Variants in NRXN1 observed in about 807,000 individuals in gnomAD.
NRXN1 encodes the protein neurexin 1, also known as neurexin-1.
NRXN1 carries 39 observed loss-of-function variants against 150.9 expected under a neutral mutation model. That is an observed-to-expected ratio of 0.26 (90% CI 0.20 to 0.34). NRXN1 has a LOEUF of 0.34. NRXN1 is among the 10% of genes least tolerant of loss of function. NRXN1 has a pLI of 1.00. For missense variants in NRXN1, 1,815 were observed against 1,949.9 expected (o/e 0.93, Z 1.30); for synonymous variants, 924 against 757.0 (o/e 1.22, Z -3.62).
chr2:50,880,332 T>C (rs1334403367), intron 5 of NRXN1, among the ~76,000 whole-genome samples: 2 of 151,988 alleles, frequency 1.3e-5, no homozygotes, highest in Middle Eastern at 3.2e-3. Context: ...ATATGTATTC[T>C]GAAAGGCCAA....
chr2:50,938,950 G>C (rs1688962615), intron 2 of NRXN1, among the ~76,000 whole-genome samples: 1 of 152,120 alleles, frequency 6.6e-6, no homozygotes, highest in African/African-American at 2.4e-5. Context: ...GGTGGCTCAT[G>C]CCTATAATCC....
chr2:50,837,642 A>G (rs1041526028), intron 5 of NRXN1, among the ~76,000 whole-genome samples: 2 of 152,256 alleles, frequency 1.3e-5, no homozygotes, highest in South Asian at 2.1e-4. Flanking sequence ...TTTACTTAAC[A>G]ATTATAAGAG....
At chr2:50,840,841 G>A (rs887336975) in intron 5 of NRXN1, among the ~76,000 whole-genome samples, 1 of 152,118 alleles carries the variant, frequency 6.6e-6, no homozygotes, top group Non-Finnish European at 1.5e-5. Context: ...GAAACATCAC[G>A]TGTTTGTCAG....
At chr2:50,343,014 AATT>A (rs1286433002) in intron 17 of NRXN1, among the ~76,000 whole-genome samples, 1 of 152,238 alleles carries the variant, frequency 6.6e-6, no homozygotes. Flanking sequence ...TTCAAGATAT[AATT>A]ATTATCCTTA....
chr2:50,378,335 A>AC (rs1347880058), intron 17 of NRXN1, among the ~76,000 whole-genome samples: 2 of 152,172 alleles, frequency 1.3e-5, no homozygotes, highest in Admixed American at 6.6e-5. Flanking sequence ...CTCCTGATAA[A>AC]CTCATCGTAA....
intron 17 of NRXN1, among the ~76,000 whole-genome samples, chr2:50,294,666 G>A (rs1371774737): frequency 6.6e-6 from 1 of 152,092 alleles, no homozygotes; most frequent in Non-Finnish European, 1.5e-5. Context: ...GAGAAGGAAT[G>A]GTATTTGATC....
At chr2:50,239,662 G>GTATATATATATATATA (rs59505952) in intron 17 of NRXN1, among the ~76,000 whole-genome samples, 1 of 47,270 alleles carries the variant, frequency 2.1e-5, no homozygotes, top group Admixed American at 3.3e-4. Context: ...ACCTATTCCA[G>GTATATATATATATATA]TATATATATA....
intron 5 of NRXN1, among the ~76,000 whole-genome samples, chr2:50,875,194 G>C (rs1678387067): frequency 6.6e-6 from 1 of 151,384 alleles, no homozygotes; most frequent in South Asian, 2.1e-4. Context: ...TTCTTAAGAG[G>C]GGTACATTTT....
At chr2:50,145,472 C>T (rs918898483) in intron 18 of NRXN1, among the ~76,000 whole-genome samples, 2 of 151,694 alleles carry the variant, frequency 1.3e-5, no homozygotes, top group Non-Finnish European at 3.0e-5. Flanking sequence ...TATTTGATCT[C>T]ATCTACAATC....
intron 18 of NRXN1, among the ~76,000 whole-genome samples, chr2:50,135,062 C>T (rs965832870): frequency 2.0e-5 from 3 of 152,202 alleles, no homozygotes; most frequent in African/African-American, 7.2e-5. Flanking sequence ...ATAATGTGGC[C>T]TTTCTTGCAC....
At position 50,346,060 on chromosome 2, in the gene NRXN1, G is replaced by C. The variant is rs1021435054; in HGVS notation, c.3365-109090C>G. ...GAGGTCCCCTCCATGCCTGCGAAGG[G>C]CTGGCCCGCATTAAAGGGGATGACT... On this transcript the variant is annotated intron_variant, in intron 17 of 22. Coordinates refer to ENST00000401669, the MANE Select transcript of NRXN1 (RefSeq NM_001330078.2). The surrounding 1 kb of genome is among the most constrained non-coding windows in gnomAD (Gnocchi z 5.0). Among the ~76,000 whole-genome samples, 6 of 152,196 alleles carry C rather than the reference G, an allele frequency of 3.9e-5. No homozygotes were observed. The East Asian group carries it at 1.2e-3, about 29-fold the overall frequency.
chr2:50,473,244 A>G (rs921192423), intron 15 of NRXN1, among the ~76,000 whole-genome samples: 11 of 151,920 alleles, frequency 7.2e-5, no homozygotes, highest in African/African-American at 2.7e-4. Context: ...TCCGTTAACA[A>G]ATTTTCAACT....
chr2:50,484,468 G>A (rs189533933), intron 15 of NRXN1, among the ~76,000 whole-genome samples: 1 of 152,138 alleles, frequency 6.6e-6, no homozygotes, highest in Non-Finnish European at 1.5e-5. Flanking sequence ...TCAGGGAAGT[G>A]TTAGGAACTT....
At chr2:50,560,503 C>G (rs1029152136) in intron 8 of NRXN1, among the ~76,000 whole-genome samples, 1 of 151,838 alleles carries the variant, frequency 6.6e-6, no homozygotes, top group South Asian at 2.1e-4. Context: ...TGCAATAATG[C>G]AACTATGCAA....
intron 17 of NRXN1, among the ~76,000 whole-genome samples, chr2:50,299,410 A>ATT (rs34923830): frequency 7.4e-6 from 1 of 134,622 alleles, no homozygotes; most frequent in Non-Finnish European, 1.6e-5. Context: ...TCATTGTCCA[A>ATT]TTTTTTTTTT....
intron 2 of NRXN1, among the ~76,000 whole-genome samples, chr2:50,964,235 G>A (rs539266171): frequency 1.5e-4 from 22 of 151,566 alleles, no homozygotes; most frequent in African/African-American, 3.1e-4. Flanking sequence ...ATTCTAAGTC[G>A]CATGTTTAGA....
chr2:50,825,703 C>T (rs752579092), intron 5 of NRXN1, among the ~76,000 whole-genome samples: 75 of 152,318 alleles, frequency 4.9e-4, no homozygotes, highest in Admixed American at 1.5e-3. Flanking sequence ...GAGCTGCTCT[C>T]GCAAATTAAT....
chr2:49,928,066 G>A (rs1327998800), intron 22 of NRXN1, among the ~76,000 whole-genome samples: 1 of 150,404 alleles, frequency 6.6e-6, no homozygotes, highest in African/African-American at 2.5e-5. Flanking sequence ...TGAGCTTTGA[G>A]AAAAAGATTG....
chr2:50,475,503 T>TA (rs1373554321), intron 15 of NRXN1, among the ~76,000 whole-genome samples: 2 of 152,140 alleles, frequency 1.3e-5, no homozygotes, highest in Non-Finnish European at 2.9e-5. Flanking sequence ...GTTTTTCTAT[T>TA]AAAAAACTTA....
Sources: allele counts gnomAD v4.1 joint callset (sites outside exome capture counted in the v4.1 genomes callset), GRCh38; gene constraint gnomAD v4.1.1; non-coding constraint Gnocchi (gnomAD v3.1); transcripts MANE v1.5; gene names NCBI Gene and HGNC (gene_info 2026-07-23, HGNC 2026-07-21).